The following TRAPPC3L variants were observed in gnomAD, a reference collection of about 807,000 sequenced individuals.
TRAPPC3L encodes the protein trafficking protein particle complex subunit 3-like protein.
A neutral mutation model predicts 23.7 loss-of-function variants in TRAPPC3L; 23 were observed. The ratio of observed to expected loss-of-function variants is 0.97; its 90% CI spans 0.70 to 1.37. TRAPPC3L has a LOEUF of 1.37. Among genes scored for constraint, TRAPPC3L ranks in the 40% most tolerant of loss-of-function variants. TRAPPC3L has a pLI of 0.00. For synonymous variants in TRAPPC3L, 81 were observed against 77.9 expected (o/e 1.04, Z -0.21); for missense variants, 212 against 216.8 (o/e 0.98, Z 0.14).
intron 3 of TRAPPC3L, among the ~76,000 whole-genome samples, chr6:116,539,290 T>C (rs973566381): frequency 1.3e-5 from 2 of 152,240 alleles, no homozygotes; most frequent in Admixed American, 6.5e-5. Context: ...AGGGACTTTT[T>C]TCCCCAGCCT....
At chr6:116,526,800 T>G (rs1429726739) in intron 3 of TRAPPC3L, among the ~76,000 whole-genome samples, 2 of 152,248 alleles carry the variant, frequency 1.3e-5, no homozygotes, top group African/African-American at 4.8e-5. Context: ...ATAAAGAATT[T>G]TATTGTAAAT....
At chr6:116,530,902 C>CATATATATATAT (rs10557481) in intron 3 of TRAPPC3L, among the ~76,000 whole-genome samples, 13 of 76,482 alleles carry the variant, frequency 1.7e-4, no homozygotes, top group Admixed American at 2.7e-4. Flanking sequence ...AAGTGAGACT[C>CATATATATATAT]ATATATATAT....
intron 3 of TRAPPC3L, among the ~76,000 whole-genome samples, chr6:116,531,373 G>A (rs1056563166): frequency 6.6e-6 from 1 of 152,026 alleles, no homozygotes; most frequent in African/African-American, 2.4e-5. Context: ...GCAGTGAGGT[G>A]GAGAGAAGGA....
intron 3 of TRAPPC3L, among the ~76,000 whole-genome samples, chr6:116,538,693 C>T (rs553577162): frequency 1.2e-4 from 18 of 151,740 alleles, no homozygotes; most frequent in East Asian, 3.9e-4. Flanking sequence ...AATGCTCTAC[C>T]GCCTTATTAA....
At chr6:116,536,708 G>T (rs1375244450) in intron 3 of TRAPPC3L, among the ~76,000 whole-genome samples, 4 of 152,156 alleles carry the variant, frequency 2.6e-5, no homozygotes, top group Non-Finnish European at 4.4e-5. Flanking sequence ...GACGGATGAT[G>T]ATGGTGTTCG....
At chr6:116,516,190 G>A in intron 3 of TRAPPC3L, 1 of 589,806 alleles carries the variant, frequency 1.7e-6, no homozygotes, top group Non-Finnish European at 2.6e-6. Flanking sequence ...GGGTGACAAA[G>A]GTGCTCTTGC....
intron 3 of TRAPPC3L, among the ~76,000 whole-genome samples, chr6:116,501,143 G>A (rs1356264722): frequency 6.6e-6 from 1 of 152,192 alleles, no homozygotes; most frequent in Non-Finnish European, 1.5e-5. Flanking sequence ...CCCAAATACT[G>A]AGCTTTTCTC....
intron 3 of TRAPPC3L, among the ~76,000 whole-genome samples, chr6:116,513,576 T>C (rs1035887549): frequency 2.0e-5 from 3 of 152,208 alleles, no homozygotes; most frequent in African/African-American, 7.2e-5. Context: ...CACACTGACC[T>C]GCTGATTCTT....
intron 3 of TRAPPC3L, chr6:116,524,058 G>A (rs1006398242): frequency 6.6e-6 from 1 of 152,148 alleles, no homozygotes; most frequent in Non-Finnish European, 1.5e-5. Flanking sequence ...TGCTATGTGT[G>A]GTAATGGTGT....
intron 3 of TRAPPC3L, chr6:116,517,316 T>C (rs1772247611): frequency 6.6e-6 from 1 of 152,176 alleles, no homozygotes; most frequent in Non-Finnish European, 1.5e-5. Context: ...AAAACTGCAT[T>C]GCAGTCTTAC....
At chr6:116,502,472 C>T (rs570331276) in intron 3 of TRAPPC3L, among the ~76,000 whole-genome samples, 1 of 152,318 alleles carries the variant, frequency 6.6e-6, no homozygotes, top group African/African-American at 2.4e-5. Context: ...TCCAGGAGAA[C>T]TTCCCCAACC....
At chr6:116,501,487 T>A (rs1353271676) in intron 3 of TRAPPC3L, among the ~76,000 whole-genome samples, 4 of 152,246 alleles carry the variant, frequency 2.6e-5, no homozygotes, top group Non-Finnish European at 5.9e-5. Flanking sequence ...TAAACGTTCC[T>A]GCCTGACAGC....
chr6:116,508,069 AAATT>A (rs1772037440), intron 3 of TRAPPC3L, among the ~76,000 whole-genome samples: 5 of 152,220 alleles, frequency 3.3e-5, no homozygotes. Flanking sequence ...TCAAGTGCAG[AAATT>A]AATTAATTTT....
chr6:116,530,115 T>G (rs185366114), intron 3 of TRAPPC3L, among the ~76,000 whole-genome samples: 33 of 152,264 alleles, frequency 2.2e-4, no homozygotes, highest in African/African-American at 7.5e-4. Context: ...TAGAGAAGTA[T>G]TTGTTTTTAA....
intron 4 of TRAPPC3L, among the ~76,000 whole-genome samples, chr6:116,497,444 G>T (rs1352131308): frequency 3.3e-5 from 5 of 152,166 alleles, no homozygotes; most frequent in Admixed American, 2.6e-4. Flanking sequence ...AGAATAAATG[G>T]ATTCTTAAAT....
intron 3 of TRAPPC3L, among the ~76,000 whole-genome samples, chr6:116,529,722 T>C (rs559941314): frequency 6.6e-6 from 1 of 152,304 alleles, no homozygotes; most frequent in Admixed American, 6.5e-5. Context: ...GAGTCACTTT[T>C]TGAGAGGACC....
At chr6:116,534,732 C>A (rs1330892542) in intron 3 of TRAPPC3L, among the ~76,000 whole-genome samples, 2 of 152,004 alleles carry the variant, frequency 1.3e-5, no homozygotes, top group African/African-American at 4.8e-5. Context: ...TTACTCATCC[C>A]CCAAAATCAT....
Position 116,503,741 on chromosome 6 carries a change from C to A in TRAPPC3L, c.241-3075G>T, listed in dbSNP as rs147499799. Among the ~76,000 whole-genome samples the A allele has an allele frequency of 4.6e-3, 693 of 152,304 alleles. 3 individuals are homozygous for A. Among genetic ancestry groups the A allele is most frequent in the Non-Finnish European group, 6.9e-3 (471 of 68,016 alleles). ...AAACTCACTCAAAACCGCACAACTA[C>A]ATGGAAGCTGAAAAATCTGCTCCAA... is the stretch of plus-strand genomic sequence containing the variant. On this transcript the variant is annotated intron_variant, in intron 3 of 4. Coordinates refer to ENST00000368602, the MANE Select transcript of TRAPPC3L (RefSeq NM_001139444.3).
At chr6:116,536,166 T>C (rs1383874792) in intron 3 of TRAPPC3L, among the ~76,000 whole-genome samples, 1 of 152,226 alleles carries the variant, frequency 6.6e-6, no homozygotes, top group African/African-American at 2.4e-5. Flanking sequence ...AGTTGTATAT[T>C]ATAAAATTCT....
Sources: gnomAD v4.1 joint callset for allele counts (sites outside exome capture counted in the v4.1 genomes callset) on GRCh38, gnomAD v4.1.1 for gene constraint, MANE v1.5 for transcripts, NCBI Gene and HGNC (gene_info 2026-07-23, HGNC 2026-07-21) for gene names.